The following IQCC variants were observed in gnomAD, a reference collection of about 807,000 sequenced individuals.
IQCC encodes IQ motif containing C.
In IQCC, 23 loss-of-function variants were observed where a neutral mutation model predicts 27.0. The ratio of observed to expected loss-of-function variants is 0.85; its 90% CI spans 0.61 to 1.21. The LOEUF is 1.21. Among genes scored for constraint, IQCC ranks in the 50% most tolerant of loss-of-function variants. The pLI is 0.00. For synonymous variants in IQCC, 220 were observed against 217.2 expected, an observed-to-expected ratio of 1.01 and a Z score of -0.11; for missense variants, 552 against 562.3, an observed-to-expected ratio of 0.98 and a Z score of 0.19.
chr1:32,206,246 C>T lies in IQCC; in HGVS notation c.135C>T (p.Gly45=). The stretch of plus-strand genomic sequence containing the variant: ...TACGAGAGGTCGAGGGCGACCTGGG[C>T]ACGCTTCAGTGGACCGAGGGCCGCA... ...AIVREVEGDL[G]TLQWTEGRIP... Residue 45 remains glycine (G), a synonymous_variant, in exon 2 of 5, where the codon GGC becomes GGT. Transcript: ENST00000291358. The T allele has an allele frequency of 6.2e-7, 1 of 1,614,206 alleles. No individual in the cohort carries two copies. Among genetic ancestry groups the T allele is most frequent in the Non-Finnish European group, 8.5e-7 (1 of 1,180,034 alleles).
Position 32,207,677 on chromosome 1 carries a change from C to T in IQCC, c.996C>T (p.Asn332=). 6.2e-7 allele frequency: 1 copy of T among 1,614,044 alleles called. No individual in the cohort carries two copies. The highest frequency in any genetic ancestry group is 8.5e-7 in the Non-Finnish European group (1 of 1,179,984). ...DQTPRGLKPR[N]HCPRKSRTQL... is the part of the protein sequence containing the mutation. ...CCCCCAGAGGTTTAAAACCTAGGAA[C>T]CATTGTCCCAGGAAGTCCAGGACAC... The change falls in exon 5 of 5, where the codon AAC becomes AAT. Residue 332 remains asparagine, a synonymous_variant. Transcript: ENST00000291358.
Position 32,206,506 on chromosome 1 carries a change from C to T in IQCC, c.187-3C>T, listed in dbSNP as rs1206980343. 6.2e-7 allele frequency: 1 copy of T among 1,613,964 alleles called. No homozygotes were observed. Among genetic ancestry groups the T allele is most frequent in the Non-Finnish European group, 8.5e-7 (1 of 1,180,048 alleles). On this transcript the variant is annotated splice_polypyrimidine_tract_variant and splice_region_variant and intron_variant, in intron 2 of 4. Transcript: ENST00000291358. ...GGGCTCTCACATCTCTCTTGTTTCTCAGAAGGCAAAATCCCATCAGACCTG... is the reference window on the plus strand; with the variant it reads ...GGGCTCTCACATCTCTCTTGTTTCTTAGAAGGCAAAATCCCATCAGACCTG...
chr1:32,206,152 A>C lies in IQCC; in HGVS notation c.43-2A>C, dbSNP rs750618425. The C allele has an allele frequency of 1.2e-6, 2 of 1,613,356 alleles. No homozygotes were observed. Among genetic ancestry groups the C allele is most frequent in the Non-Finnish European group, 1.7e-6 (2 of 1,179,502 alleles). ...CTTCTTTCCTCTCGTTCTCCATACC[A>C]GGCCTGCGTCCGGGGCTTCTTGGTC... On this transcript the variant is annotated splice_acceptor_variant, in intron 1 of 4. Coordinates refer to ENST00000291358, the MANE Select transcript of IQCC (RefSeq NM_018134.3). LOFTEE classifies it high-confidence loss of function.
rs371494687 is a variant in IQCC at position 32,207,298 on chromosome 1, C to G, written c.617C>G (p.Pro206Arg). Residue 206 changes from proline to arginine, a missense_variant, in exon 5 of 5, where the codon CCC (proline) becomes CGC (arginine). Coordinates refer to ENST00000291358, the MANE Select transcript of IQCC (RefSeq NM_018134.3). ...GAGGCGGGCCCGATCAGAGAGGAAC[C>G]CCGCGTGTTCCTAGAACATGGGGAA... ...SPEAGPIREE[P>R]RVFLEHGEQA... is the part of the protein sequence containing the mutation. The G allele has an allele frequency of 8.1e-6, 13 of 1,613,800 alleles. No homozygotes were observed. The highest frequency in any genetic ancestry group is 1.0e-5 in the Non-Finnish European group (12 of 1,179,810).
Position 32,208,175 on chromosome 1 carries a change from T to C in IQCC, c.*93T>C. 1 of 1,361,890 alleles carries C rather than the reference T, an allele frequency of 7.3e-7. No homozygotes were observed. The highest frequency in any genetic ancestry group is 1.5e-5 in the South Asian group (1 of 65,202). The allele number at this position is 1,361,890 out of a possible 1,614,324, so 84.4% of individuals were successfully genotyped here. ...CTCATCCTACCTCCCTGACCAGCTCTGGCTTCTGCTCCTGCCCCTGGCCAT... is the reference window on the plus strand; with the variant it reads ...CTCATCCTACCTCCCTGACCAGCTCCGGCTTCTGCTCCTGCCCCTGGCCAT... On this transcript the variant is annotated 3_prime_UTR_variant, in exon 5 of 5. Coordinates refer to ENST00000291358, the MANE Select transcript of IQCC (RefSeq NM_018134.3).
chr1:32,205,718 T>C lies in IQCC; in HGVS notation c.37T>C (p.Leu13=), dbSNP rs1197892758. 2 of 1,611,858 alleles carry C rather than the reference T, an allele frequency of 1.2e-6. No homozygotes were observed. Among genetic ancestry groups the C allele is most frequent in the African/African-American group, 2.7e-5 (2 of 74,934 alleles). Residue 13 remains leucine (L), a synonymous_variant, in exon 1 of 5, where the codon TTG becomes CTG. Coordinates refer to ENST00000291358, the MANE Select transcript of IQCC (RefSeq NM_018134.3). The surrounding 1 kb of genome is among the most constrained non-coding windows in gnomAD (Gnocchi z 5.6). ...PELLVRKVSA[L]QACVRGFLVR... ...GCTGCTGGTTCGGAAGGTGTCTGCA[T>C]TGCAGGTGCGGGGGCGGGCGCGGGG...
At position 32,206,587 on chromosome 1, in the gene IQCC, T is replaced by G. The variant is rs1643346501; in HGVS notation, c.265T>G (p.Cys89Gly). 1.9e-6 allele frequency: 3 copies of G among 1,614,040 alleles called. No individual in the cohort carries two copies. The South Asian group carries it at 3.3e-5, about 18-fold the overall frequency. ...GCAGGGGCTGTGGAACCACTTCCCA[T>G]GTGAAGAGTCTGAGGGAGAGGCCAC... The part of the protein sequence containing the change: ...PEQGLWNHFP[C>G]EESEGEATWE... The change falls in exon 3 of 5, where the codon TGT becomes GGT. Residue 89 changes from cysteine (C) to glycine (G), a missense_variant. Physicochemically the swap from Cys to Gly is radical, Grantham distance 159 (BLOSUM62 -3). Transcript: ENST00000291358.
chr1:32,207,096 A>G lies in IQCC; in HGVS notation c.534A>G (p.Gln178=). The change falls in exon 4 of 5, where the codon CAA becomes CAG. Residue 178 remains glutamine (Q), a synonymous_variant. Coordinates refer to ENST00000291358, the MANE Select transcript of IQCC (RefSeq NM_018134.3). ...TGGCCATGGAATTGCTGTGGCTGCA[A>G]CAGGCCATCAATAGCCGTAAGGAGG... ...SHLAMELLWL[Q]QAINSRKEYL... 6.2e-7 allele frequency: 1 copy of G among 1,611,266 alleles called. No homozygotes were observed. Among genetic ancestry groups the G allele is most frequent in the South Asian group, 1.1e-5 (1 of 90,770 alleles).
At position 32,206,703 on chromosome 1, in the gene IQCC, G is replaced by T. The variant is rs1203264844; in HGVS notation, c.381G>T (p.Lys127Asn). 6.2e-7 allele frequency: 1 copy of T among 1,614,202 alleles called. No individual in the cohort carries two copies. The highest frequency in any genetic ancestry group is 8.5e-7 in the Non-Finnish European group (1 of 1,180,032). ...ATCACAGCTCCTGGCTTCAGATGAAGCAGAACAGGAAACCCAGCCAAGAGA... is the reference window on the plus strand; with the variant it reads ...ATCACAGCTCCTGGCTTCAGATGAATCAGAACAGGAAACCCAGCCAAGAGA... ...CRDHSSWLQM[K>N]QNRKPSQEKT... The change falls in exon 3 of 5, where the codon AAG (lysine) becomes AAT (asparagine). Residue 127 changes from lysine (K) to asparagine (N), a missense_variant. Physicochemically the swap from Lys to Asn is moderately conservative, Grantham distance 94 (BLOSUM62 0). Transcript: ENST00000291358.
Position 32,207,973 on chromosome 1 carries a change from C to T in IQCC, c.1292C>T (p.Thr431Ile), listed in dbSNP as rs1183790474. Residue 431 changes from threonine to isoleucine, a missense_variant, in exon 5 of 5, where the codon ACT becomes ATT. Coordinates refer to ENST00000291358, the MANE Select transcript of IQCC (RefSeq NM_018134.3). ...PSHEGQKKQR[T>I]IPWRSKSPEI... The stretch of plus-strand genomic sequence containing the variant: ...CATGAAGGACAGAAAAAGCAGAGGA[C>T]TATACCATGGAGATCAAAGTCACCT... The T allele has an allele frequency of 4.3e-6, 7 of 1,614,152 alleles. No individual in the cohort carries two copies. Among genetic ancestry groups the T allele is most frequent in the Non-Finnish European group, 5.9e-6 (7 of 1,180,020 alleles).
At chr1:32,206,954 G>A (rs1264955120) in intron 3 of IQCC, 48 bp from the exon 4 acceptor site, 3 of 1,490,400 alleles carry the variant, frequency 2.0e-6, no homozygotes, top group African/African-American at 2.8e-5. Flanking sequence ...CATTTCCCAG[G>A]GTCTGGTCCC....
chr1:32,207,387 A>C lies in IQCC; in HGVS notation c.706A>C (p.Arg236=), dbSNP rs1474303330. 3.1e-6 allele frequency: 5 copies of C among 1,613,942 alleles called. No individual in the cohort carries two copies. The highest frequency in any genetic ancestry group is 2.5e-6 in the Non-Finnish European group (3 of 1,180,018). The change falls in exon 5 of 5, where the codon AGG becomes CGG. Residue 236 remains arginine (R), a synonymous_variant. Transcript: ENST00000291358. Reference sequence around the variant, plus strand: ...ACTGGAGGACCAGTCCTACAGAGACAGGACCACTGGAGAGCTAGAACAGGA... The same window carrying C: ...ACTGGAGGACCAGTCCTACAGAGACCGGACCACTGGAGAGCTAGAACAGGA... ...APLEDQSYRD[R]TTGELEQEDD...
At chr1:32,206,390 G>A in intron 2 of IQCC, 93 bp downstream of exon 2, 1 of 1,599,208 alleles carries the variant, frequency 6.3e-7, no homozygotes, top group Non-Finnish European at 8.5e-7. Flanking sequence ...GGAAGAGGCA[G>A]TAGACTCACC....
rs1643349367 is a variant in IQCC at position 32,206,646 on chromosome 1, G to A, written c.324G>A (p.Glu108=). The A allele has an allele frequency of 6.2e-7, 1 of 1,614,236 alleles. No individual in the cohort carries two copies. Among genetic ancestry groups the A allele is most frequent in the Non-Finnish European group, 8.5e-7 (1 of 1,180,038 alleles). The change falls in exon 3 of 5, where the codon GAG becomes GAA. Residue 108 remains glutamate (E), a synonymous_variant. Transcript: ENST00000291358. ...AGATGGTGCTGAAGAAGTCAGGAGA[G>A]AGCTCAGCAAATCAAGGAAGCCTCT... is the stretch of plus-strand genomic sequence containing the variant. ...WEEMVLKKSG[E]SSANQGSLCR...
chr1:32,207,839 C>T lies in IQCC; in HGVS notation c.1158C>T (p.Thr386=), dbSNP rs750490141. ...AGGACCACATCATCTGGGATGGTAC[C>T]TTGGGGGGGCCAGAGCATAGTGTCC... is the stretch of plus-strand genomic sequence containing the variant. ...LSEDHIIWDG[T]LGGPEHSVLD... is the part of the protein sequence containing the mutation. Residue 386 remains threonine (T), a synonymous_variant, in exon 5 of 5, where the codon ACC becomes ACT. Transcript: ENST00000291358. The T allele has an allele frequency of 9.3e-6, 15 of 1,613,984 alleles. No homozygotes were observed. The Admixed American group carries it at 2.5e-4, about 27-fold the overall frequency.
intron 2 of IQCC, 66 bp from the exon 3 acceptor site, chr1:32,206,443 G>C: frequency 6.2e-7 from 1 of 1,607,404 alleles, no homozygotes; most frequent in South Asian, 1.1e-5. Flanking sequence ...TTGTCTGCTA[G>C]ATCATGGTGC....
At position 32,207,909 on chromosome 1, in the gene IQCC, G is replaced by A; in HGVS notation, c.1228G>A (p.Asp410Asn). 1 of 1,614,150 alleles carries A rather than the reference G, an allele frequency of 6.2e-7. No individual in the cohort carries two copies. The highest frequency in any genetic ancestry group is 8.5e-7 in the Non-Finnish European group (1 of 1,180,026). ...TKPPKGQAPT[D>N]RSSRDGTSNE... is the part of the protein sequence containing the mutation. ...ACCACCCAAAGGCCAGGCCCCCACT[G>A]ATAGAAGCTCCAGAGATGGAACCTC... The change falls in exon 5 of 5, where the codon GAT becomes AAT. Residue 410 changes from aspartate (D) to asparagine (N), a missense_variant. Physicochemically the swap from Asp to Asn is conservative, Grantham distance 23 (BLOSUM62 1). Transcript: ENST00000291358.
chr1:32,205,979 C>T lies in IQCC; in HGVS notation c.43-175C>T. 3 of 1,559,124 alleles carry T rather than the reference C, an allele frequency of 1.9e-6. No individual in the cohort carries two copies. Among genetic ancestry groups the T allele is most frequent in the Non-Finnish European group, 2.6e-6 (3 of 1,150,830 alleles). On this transcript the variant is annotated intron_variant, in intron 1 of 4. Transcript: ENST00000291358. The surrounding 1 kb of genome is among the most constrained non-coding windows in gnomAD (Gnocchi z 5.6). ...GAGCCTTAAGGCGAGGAGGGGCATC[C>T]AGTCTGGCATCGTCCCTCGAGCCCC... is the stretch of plus-strand genomic sequence containing the variant.
rs1643433197 is a variant in IQCC at position 32,208,071 on chromosome 1, C to T, written c.1390C>T (p.Pro464Ser). Reference protein sequence around the residue: ...QWRGRPWKTEPPG With the variant: ...QWRGRPWKTESPG ...GAGGGGCAGGCCATGGAAAACAGAA[C>T]CACCTGGCTAGACCCTAGGAAGCCA... is the stretch of plus-strand genomic sequence containing the variant. The change falls in exon 5 of 5, where the codon CCA becomes TCA. Residue 464 changes from proline (P) to serine (S), a missense_variant. Physicochemically the swap from Pro to Ser is moderately conservative, Grantham distance 74. Transcript: ENST00000291358. 1.2e-6 allele frequency: 2 copies of T among 1,609,440 alleles called. No individual in the cohort carries two copies. Among genetic ancestry groups the T allele is most frequent in the Non-Finnish European group, 1.7e-6 (2 of 1,177,618 alleles).
Sources: gnomAD v4.1 joint callset for allele counts on GRCh38, gnomAD v4.1.1 for gene constraint, Gnocchi (gnomAD v3.1) non-coding constraint, MANE v1.5 for transcripts, NCBI Gene and HGNC (gene_info 2026-07-23, HGNC 2026-07-21) for gene names.